Variants in MYO1B observed in about 807,000 individuals in gnomAD.
The protein encoded by MYO1B is unconventional myosin-Ib.
MYO1B carries 72 observed loss-of-function variants against 159.7 expected under a neutral mutation model. That is an observed-to-expected ratio of 0.45 (90% confidence interval 0.37 to 0.55). The LOEUF (loss-of-function observed/expected upper bound fraction) is 0.55, where lower values mean the gene tolerates loss of function less well. Ranked by LOEUF, MYO1B falls within the 20% of genes least tolerant of loss-of-function variation. MYO1B has a pLI of 0.00. For missense variants in MYO1B, 1,062 were observed against 1,364.8 expected, an observed-to-expected ratio of 0.78 and a Z score of 3.50; for synonymous variants, 468 against 473.8, an observed-to-expected ratio of 0.99 and a Z score of 0.16.
intron 2 of MYO1B, among the ~76,000 whole-genome samples, chr2:191,293,507 A>C (rs1479600381): frequency 6.6e-6 from 1 of 152,184 alleles, no homozygotes; most frequent in Non-Finnish European, 1.5e-5. Context: ...ATGCAGATCC[A>C]TTTTTATGGT....
At chr2:191,391,782 T>C (rs917451158) in intron 18 of MYO1B, among the ~76,000 whole-genome samples, 7 of 152,238 alleles carry the variant, frequency 4.6e-5, no homozygotes, top group Non-Finnish European at 7.3e-5. Context: ...GATCTGAATT[T>C]CTTGCACACC....
At chr2:191,376,097 G>A (rs1694695626) in intron 13 of MYO1B, among the ~76,000 whole-genome samples, 1 of 152,088 alleles carries the variant, frequency 6.6e-6, no homozygotes, top group African/African-American at 2.4e-5. Context: ...AAAGTTTTTA[G>A]ATGAAAGCCT....
At chr2:191,316,402 T>C (rs556063598) in intron 3 of MYO1B, among the ~76,000 whole-genome samples, 1 of 152,324 alleles carries the variant, frequency 6.6e-6, no homozygotes, top group South Asian at 2.1e-4. Flanking sequence ...ATGATAATGA[T>C]TCCCAGTCTT....
At position 191,397,703 on chromosome 2, in the gene MYO1B, C is replaced by T. The variant is rs1287164840; in HGVS notation, c.2295+1206C>T. On this transcript the variant is annotated intron_variant, in intron 21 of 30. Transcript: ENST00000392318. ...ATCATGGCCCATCCCCAATGAGCCG[C>T]TGGGCACACCTCCCAGACGGGGTCG... Among the ~76,000 whole-genome samples the T allele has an allele frequency of 3.6e-3, 521 of 145,932 alleles. 7 individuals carry two copies. The highest frequency in any genetic ancestry group is 5.9e-3 in the Admixed American group (87 of 14,842).
At chr2:191,385,267 A>G (rs936225216) in intron 15 of MYO1B, among the ~76,000 whole-genome samples, 8 of 152,230 alleles carry the variant, frequency 5.3e-5, no homozygotes, top group Non-Finnish European at 1.2e-4. Flanking sequence ...CCATTTAGAA[A>G]TTCCACATGA....
chr2:191,374,710 G>A (rs1574542905), intron 13 of MYO1B, among the ~76,000 whole-genome samples: 1 of 152,114 alleles, frequency 6.6e-6, no homozygotes, highest in East Asian at 1.9e-4. Context: ...ATAAGGTGAA[G>A]TGAATTAAAA....
At chr2:191,402,874 A>G (rs149284842) in intron 24 of MYO1B, among the ~76,000 whole-genome samples, 156 bp downstream of exon 24, 92 of 152,294 alleles carry the variant, frequency 6.0e-4, no homozygotes, top group East Asian at 2.9e-3. Context: ...GAAGAAACCT[A>G]TACACTAATT....
chr2:191,333,262 C>T (rs1172778546), intron 4 of MYO1B, among the ~76,000 whole-genome samples: 1 of 152,112 alleles, frequency 6.6e-6, no homozygotes, highest in African/African-American at 2.4e-5. Context: ...GCTGATCTCC[C>T]AGCTATGTAT....
At chr2:191,372,812 C>T (rs1167075874) in intron 13 of MYO1B, among the ~76,000 whole-genome samples, 1 of 151,360 alleles carries the variant, frequency 6.6e-6, no homozygotes, top group Admixed American at 6.6e-5. Context: ...GCAAGTTATA[C>T]CATCATTTTT....
At chr2:191,406,424 A>G (rs1339864953) in intron 24 of MYO1B, among the ~76,000 whole-genome samples, 1 of 152,242 alleles carries the variant, frequency 6.6e-6, no homozygotes, top group African/African-American at 2.4e-5. Context: ...AGCTGTTGAC[A>G]TGCCTTCCTC....
intron 1 of MYO1B, among the ~76,000 whole-genome samples, chr2:191,276,309 A>C (rs1687746711): frequency 6.6e-6 from 1 of 152,196 alleles, no homozygotes; most frequent in Non-Finnish European, 1.5e-5. Context: ...TCAAATGCAA[A>C]ACATTTTTAA....
chr2:191,291,134 C>T (rs1688663147), intron 2 of MYO1B, among the ~76,000 whole-genome samples: 1 of 152,172 alleles, frequency 6.6e-6, no homozygotes, highest in African/African-American at 2.4e-5. Context: ...ATTTTGACTA[C>T]TCAAAGGCTT....
At chr2:191,334,250 C>T (rs116199942) in intron 4 of MYO1B, among the ~76,000 whole-genome samples, 381 of 152,134 alleles carry the variant, frequency 2.5e-3, no homozygotes, top group African/African-American at 8.3e-3. Flanking sequence ...TCTGAGAAGA[C>T]AGCACGTCCA....
intron 21 of MYO1B, among the ~76,000 whole-genome samples, chr2:191,399,158 C>G (rs556861071): frequency 1.3e-5 from 2 of 151,952 alleles, no homozygotes; most frequent in African/African-American, 4.8e-5. Flanking sequence ...CGCAGGCACT[C>G]GGCAGGCTGA....
intron 17 of MYO1B, among the ~76,000 whole-genome samples, chr2:191,389,124 T>TA (rs1695585746): frequency 6.6e-6 from 1 of 152,216 alleles, no homozygotes; most frequent in Non-Finnish European, 1.5e-5. Context: ...GATCTGAACT[T>TA]ACTAGGCCAT....
chr2:191,254,367 C>G (rs1686308487), intron 1 of MYO1B, among the ~76,000 whole-genome samples: 2 of 152,134 alleles, frequency 1.3e-5, no homozygotes, highest in Non-Finnish European at 2.9e-5. Context: ...CATGCAACCA[C>G]CACGCCTGGC....
intron 3 of MYO1B, among the ~76,000 whole-genome samples, chr2:191,299,910 G>A (rs1327616759): frequency 6.6e-6 from 1 of 152,186 alleles, no homozygotes; most frequent in Non-Finnish European, 1.5e-5. Context: ...CCATAACTCT[G>A]TGAGAAAGGA....
rs1332667384 is a variant in MYO1B, at chr2:191,370,307, T to A, written c.1185+15T>A. 1 of 1,592,346 alleles carries A rather than the reference T, an allele frequency of 6.3e-7. No homozygotes were observed. On this transcript the variant is annotated intron_variant, in intron 13 of 30. Transcript: ENST00000392318. ...AGATTTTCGAGGTAAGATTTAAAAT[T>A]TTTTTTGTATTGTCTTTAGTAGAGT...
At chr2:191,292,644 T>C (rs13384532) in intron 2 of MYO1B, among the ~76,000 whole-genome samples, 5,960 of 151,838 alleles carry the variant, frequency 0.039, 393 homozygotes, top group African/African-American at 0.14. Flanking sequence ...AGAGGTATAA[T>C]GAGGCATGTT....
Sources: allele counts gnomAD v4.1 joint callset (sites outside exome capture counted in the v4.1 genomes callset), GRCh38; gene constraint gnomAD v4.1.1; transcripts MANE v1.5; gene names NCBI Gene and HGNC (gene_info 2026-07-23, HGNC 2026-07-21).